CYP4B1: variants seen among roughly 807,000 people sequenced by gnomAD.
The protein encoded by CYP4B1 is cytochrome P450 4B1.
CYP4B1 carries 45 observed loss-of-function variants against 54.0 expected under a neutral mutation model. The observed-to-expected ratio is 0.83, with a 90% CI of 0.66 to 1.07. CYP4B1 has a LOEUF of 1.07. Ranked by LOEUF, CYP4B1 falls within the 50% of genes least tolerant of loss-of-function variation. The pLI is 0.00. For missense variants in CYP4B1, 656 were observed against 655.4 expected, an observed-to-expected ratio of 1.00 and a Z score of -0.01; for synonymous variants, 248 against 247.5, an observed-to-expected ratio of 1.00 and a Z score of -0.02.
At chr1:46,806,514 G>A (rs928997475) in intron 1 of CYP4B1, among the ~76,000 whole-genome samples, 5 of 152,254 alleles carry the variant, frequency 3.3e-5, no homozygotes, top group Non-Finnish European at 5.9e-5. Context: ...CTTAACTCAT[G>A]CTGGACTGTT....
rs376691199 is a variant in CYP4B1 at position 46,800,189 on chromosome 1, CTT to C, written c.180+930_180+931del. Among the ~76,000 whole-genome samples the C allele has an allele frequency of 3.9e-4, 17 of 43,432 alleles. 3 individuals carry two copies. The highest frequency in any genetic ancestry group is 9.7e-4 in the Non-Finnish European group (15 of 15,464). 28.5% of individuals were successfully genotyped at this position (43,432 alleles called of 152,430 possible). ...CTTTTTTTCTTCTTTCTTTCTCTTTCTTTCTTTCTCTTTCTTTCTTTCTTTCT... is the reference window on the plus strand; with the variant it reads ...CTTTTTTTCTTCTTTCTTTCTCTTTCTCTTTCTCTTTCTTTCTTTCTTTCT... On this transcript the variant is annotated intron_variant, in intron 1 of 11. Coordinates refer to ENST00000371923, the MANE Select transcript of CYP4B1 (RefSeq NM_001099772.2).
chr1:46,818,234 C>A (rs1371801538), intron 11 of CYP4B1, 21 bp downstream of exon 11: 1 of 1,608,132 alleles, frequency 6.2e-7, no homozygotes, highest in South Asian at 1.1e-5. Flanking sequence ...ACCCAGTATC[C>A]CAGGCCCTCA....
chr1:46,812,692 G>C (rs1276779008), intron 4 of CYP4B1, 69 bp downstream of exon 4: 5 of 1,557,476 alleles, frequency 3.2e-6, no homozygotes, highest in Non-Finnish European at 4.4e-6. Context: ...CCCTGATTTT[G>C]TCCTGGGGAG....
chr1:46,801,967 T>C (rs908636693), intron 1 of CYP4B1, among the ~76,000 whole-genome samples: 1 of 152,140 alleles, frequency 6.6e-6, no homozygotes, highest in Non-Finnish European at 1.5e-5. Flanking sequence ...AATTTCTCCT[T>C]CTTGGTCTCT....
chr1:46,804,638 C>T (rs1418818747), intron 1 of CYP4B1, among the ~76,000 whole-genome samples: 2 of 151,888 alleles, frequency 1.3e-5, no homozygotes, highest in African/African-American at 2.4e-5. Flanking sequence ...AACAGAGAGG[C>T]TGGGTGCAGG....
At chr1:46,802,431 G>A (rs2148395286) in intron 1 of CYP4B1, among the ~76,000 whole-genome samples, 1 of 152,262 alleles carries the variant, frequency 6.6e-6, no homozygotes, top group East Asian at 1.9e-4. Context: ...TCAACAAAGT[G>A]GAGATAATCA....
At position 46,811,131 on chromosome 1, in the gene CYP4B1, C is replaced by T; in HGVS notation, c.323-9C>T. 6.2e-7 allele frequency: 1 copy of T among 1,614,118 alleles called. No individual in the cohort carries two copies. Among genetic ancestry groups the T allele is most frequent in the Non-Finnish European group, 8.5e-7 (1 of 1,179,992 alleles). On this transcript the variant is annotated splice_polypyrimidine_tract_variant and intron_variant, in intron 2 of 11. Coordinates refer to ENST00000371923, the MANE Select transcript of CYP4B1 (RefSeq NM_001099772.2). ...GGTCCCTGCTTGACCTGATTGTCTC[C>T]TCCTGCAGACCCTAAGGCCCCTGAT...
Position 46,812,562 on chromosome 1 carries a change from T to C in CYP4B1, c.434T>C (p.Phe145Ser). The C allele has an allele frequency of 6.2e-7, 1 of 1,614,098 alleles. No individual in the cohort carries two copies. Among genetic ancestry groups the C allele is most frequent in the Non-Finnish European group, 8.5e-7 (1 of 1,179,992 alleles). Residue 145 changes from phenylalanine to serine, a missense_variant, in exon 4 of 12, where the codon TTT becomes TCT. Coordinates refer to ENST00000371923, the MANE Select transcript of CYP4B1 (RefSeq NM_001099772.2). ...LQHRKLLTPG[F>S]HYDVLKPYVA... ...CACCGCAAGCTGCTCACACCTGGCT[T>C]TCATTATGATGTGCTGAAGCCCTAT...
chr1:46,813,361 T>A lies in CYP4B1; in HGVS notation c.496-121T>A, dbSNP rs992038330. On this transcript the variant is annotated intron_variant, in intron 4 of 11. Transcript: ENST00000371923. ...TGGAGGGCAGGACAGGGACTGGGAG[T>A]GTGTGAAGGGGGCTTGGTGGTGGAG... The A allele has an allele frequency of 3.4e-6, 4 of 1,161,096 alleles. No homozygotes were observed. The African/African-American group carries it at 4.5e-5, about 13-fold the overall frequency. 71.9% of individuals were successfully genotyped at this position (1,161,096 alleles called of 1,614,324 possible). A position where few individuals can be genotyped will look rare whatever the true frequency, so the allele number is the denominator to read the frequency against.
intron 1 of CYP4B1, among the ~76,000 whole-genome samples, chr1:46,803,465 T>C (rs187925166): frequency 3.2e-4 from 48 of 152,280 alleles, no homozygotes; most frequent in African/African-American, 1.1e-3. Flanking sequence ...GGAGCTCTGT[T>C]AATTGGAGGC....
chr1:46,818,125 C>T lies in CYP4B1; in HGVS notation c.1273-6C>T. 1.9e-6 allele frequency: 3 copies of T among 1,614,128 alleles called. No homozygotes were observed. Among genetic ancestry groups the T allele is most frequent in the African/African-American group, 2.7e-5 (2 of 75,054 alleles). ...GCGAGTGTTTAAGCAAGGCCTGTCC[C>T]TTCAGGTCTTTGACTCTCTGCGCTT... On this transcript the variant is annotated splice_polypyrimidine_tract_variant and splice_region_variant and intron_variant, in intron 10 of 11. Transcript: ENST00000371923.
Position 46,799,125 on chromosome 1 carries a change from T to G in CYP4B1, c.44T>G (p.Leu15Arg). 1 of 1,614,010 alleles carries G rather than the reference T, an allele frequency of 6.2e-7. No individual in the cohort carries two copies. The highest frequency in any genetic ancestry group is 8.5e-7 in the Non-Finnish European group (1 of 1,179,952). ...FLSLSFSSLG[L>R]WASGLILVLG... ...TCCCTGAGCTTCTCCTCCTTGGGCCTGTGGGCTTCTGGGCTGATCTTGGTC... is the reference window on the plus strand; with the variant it reads ...TCCCTGAGCTTCTCCTCCTTGGGCCGGTGGGCTTCTGGGCTGATCTTGGTC... The change falls in exon 1 of 12, where the codon CTG becomes CGG. Residue 15 changes from leucine (L) to arginine (R), a missense_variant. Physicochemically the swap from Leu to Arg is moderately radical, Grantham distance 102. Coordinates refer to ENST00000371923, the MANE Select transcript of CYP4B1 (RefSeq NM_001099772.2).
chr1:46,818,065 G>T (rs753868251), intron 10 of CYP4B1, 36 bp downstream of exon 10: 4 of 1,613,380 alleles, frequency 2.5e-6, no homozygotes, highest in South Asian at 1.1e-5. Flanking sequence ...CAGACAGGGT[G>T]GGGGACTGGG....
chr1:46,805,023 G>T (rs909302197), intron 1 of CYP4B1, among the ~76,000 whole-genome samples: 1 of 152,160 alleles, frequency 6.6e-6, no homozygotes, highest in African/African-American at 2.4e-5. Flanking sequence ...TGCTGGTGGG[G>T]CAGGGCTTTG....
At chr1:46,799,461 G>A (rs1403223021) in intron 1 of CYP4B1, among the ~76,000 whole-genome samples, 200 bp downstream of exon 1, 3 of 152,140 alleles carry the variant, frequency 2.0e-5, no homozygotes, top group Non-Finnish European at 2.9e-5. Flanking sequence ...TTCAGAAGTG[G>A]GGGCAACTTC....
At chr1:46,805,724 A>G (rs1678832507) in intron 1 of CYP4B1, among the ~76,000 whole-genome samples, 1 of 152,088 alleles carries the variant, frequency 6.6e-6, no homozygotes, top group Admixed American at 6.5e-5. Flanking sequence ...TGATTTTTAT[A>G]GTTATTTCAG....
At chr1:46,811,907 A>C (rs1175791283) in intron 3 of CYP4B1, among the ~76,000 whole-genome samples, 1 of 152,232 alleles carries the variant, frequency 6.6e-6, no homozygotes, top group African/African-American at 2.4e-5. Flanking sequence ...ACCACTGGGA[A>C]GACTTTTTGC....
intron 1 of CYP4B1, among the ~76,000 whole-genome samples, chr1:46,802,555 A>G (rs1460304646): frequency 1.3e-5 from 2 of 152,228 alleles, no homozygotes; most frequent in Non-Finnish European, 2.9e-5. Context: ...TTCTTGCTAC[A>G]AAACACCCTG....
At chr1:46,810,072 G>A (rs745491267) in intron 1 of CYP4B1, among the ~76,000 whole-genome samples, 7 of 152,100 alleles carry the variant, frequency 4.6e-5, no homozygotes, top group African/African-American at 7.2e-5. Context: ...CCAACCCAGC[G>A]CGTTTGTGCT....
Sources: gnomAD v4.1 joint callset for allele counts (sites outside exome capture counted in the v4.1 genomes callset) on GRCh38, gnomAD v4.1.1 for gene constraint, MANE v1.5 for transcripts, NCBI Gene and HGNC (gene_info 2026-07-23, HGNC 2026-07-21) for gene names.